Variants in OR9Q1 observed in about 807,000 individuals in gnomAD.
The protein encoded by OR9Q1 is olfactory receptor 9Q1.
For missense variants in OR9Q1, 374 were observed against 378.8 expected (o/e 0.99, Z 0.11); for synonymous variants, 153 against 148.6 (o/e 1.03, Z -0.22).
chr11:58,141,999 C>A (rs1854254510), intron 2 of OR9Q1, among the ~76,000 whole-genome samples: 1 of 152,082 alleles, frequency 6.6e-6, no homozygotes, highest in Non-Finnish European at 1.5e-5. Context: ...CCATTGCTGG[C>A]AATTTATGTC....
At chr11:58,053,344 A>G (rs2119971761) in intron 1 of OR9Q1, among the ~76,000 whole-genome samples, 1 of 150,442 alleles carries the variant, frequency 6.6e-6, no homozygotes, top group East Asian at 2.0e-4. Flanking sequence ...AAACTATCGC[A>G]AGGACAAAAA....
At chr11:58,097,984 GA>G (rs1258033315) in intron 2 of OR9Q1, among the ~76,000 whole-genome samples, 11 of 152,188 alleles carry the variant, frequency 7.2e-5, no homozygotes, top group African/African-American at 2.4e-4. Context: ...GTTGCATGAA[GA>G]AACTTTTTGG....
At chr11:58,147,695 A>G (rs780124886) in intron 2 of OR9Q1, among the ~76,000 whole-genome samples, 2 of 152,170 alleles carry the variant, frequency 1.3e-5, no homozygotes, top group Non-Finnish European at 2.9e-5. Flanking sequence ...GTTTTAGGCA[A>G]TTATCTTCTG....
Position 58,082,770 on chromosome 11 carries a change from T to TAAA in OR9Q1, c.-15+26826_-15+26828dup, listed in dbSNP as rs906445727. ...ATAATAATAATAATAATAATAATAATAAAAAGTTAGGTCTTCTTTTTTTAA... is the reference window on the plus strand; with the variant it reads ...ATAATAATAATAATAATAATAATAATAAAAAAAAGTTAGGTCTTCTTTTTTTAA... On this transcript the variant is annotated intron_variant, in intron 2 of 2. Transcript: ENST00000335397. Among the ~76,000 whole-genome samples, 414 of 95,992 alleles carry TAAA rather than the reference T, an allele frequency of 4.3e-3. 7 individuals are homozygous for TAAA. Among genetic ancestry groups the TAAA allele is most frequent in the South Asian group, 8.2e-3 (19 of 2,316 alleles). The allele number at this position is 95,992 out of a possible 152,430, so 63.0% of individuals were successfully genotyped here.
At chr11:58,089,968 A>AT (rs553571182) in intron 2 of OR9Q1, among the ~76,000 whole-genome samples, 4 of 149,566 alleles carry the variant, frequency 2.7e-5, no homozygotes, top group African/African-American at 1.0e-4. Flanking sequence ...TGTGCATAGG[A>AT]TTGTTTGTGA....
intron 2 of OR9Q1, among the ~76,000 whole-genome samples, chr11:58,122,806 T>A (rs772686372): frequency 1.3e-5 from 2 of 152,136 alleles, no homozygotes; most frequent in Non-Finnish European, 2.9e-5. Context: ...TCCTTCTATG[T>A]TTATTCTTTT....
chr11:58,047,434 G>T (rs1853228658), intron 1 of OR9Q1: 1 of 152,204 alleles, frequency 6.6e-6, no homozygotes, highest in Admixed American at 6.5e-5. Flanking sequence ...ACAGGTCTGG[G>T]AGAACATAGA....
In OR9Q1 at chr11:58,104,580, C is replaced by T. The variant is rs531597939; in HGVS notation, c.-15+48633C>T. 1.1e-4 allele frequency among the ~76,000 whole-genome samples: 16 copies of T among 152,132 alleles called. No homozygotes were observed. The East Asian group carries it at 2.9e-3, about 28-fold the overall frequency. ...ACAATAAAAAAGTAATCTGATTATTCATGATTTTTTGGAATGTTAATAATT... is the reference window on the plus strand; with the variant it reads ...ACAATAAAAAAGTAATCTGATTATTTATGATTTTTTGGAATGTTAATAATT... On this transcript the variant is annotated intron_variant, in intron 2 of 2. Transcript: ENST00000335397.
chr11:58,063,136 T>C (rs1853397071), intron 2 of OR9Q1, among the ~76,000 whole-genome samples: 2 of 152,226 alleles, frequency 1.3e-5, no homozygotes, highest in Admixed American at 1.3e-4. Context: ...CAGTTTCATA[T>C]AGGGCAGTTT....
intron 2 of OR9Q1, among the ~76,000 whole-genome samples, chr11:58,098,869 A>G (rs1853756961): frequency 6.6e-6 from 1 of 152,158 alleles, no homozygotes; most frequent in Non-Finnish European, 1.5e-5. Flanking sequence ...ACTACTTTAG[A>G]ATCATCCCAT....
At chr11:58,135,630 G>A (rs1024104106) in intron 2 of OR9Q1, among the ~76,000 whole-genome samples, 2 of 152,160 alleles carry the variant, frequency 1.3e-5, no homozygotes, top group African/African-American at 4.8e-5. Flanking sequence ...AATAGTGCCT[G>A]GCACAGAGCA....
intron 2 of OR9Q1, among the ~76,000 whole-genome samples, chr11:58,121,674 ATGTT>A (rs1294991586): frequency 4.6e-5 from 7 of 152,292 alleles, no homozygotes; most frequent in Middle Eastern, 3.4e-3. Context: ...ATCTAGAACT[ATGTT>A]TGATGAAGCC....
At chr11:58,151,613 G>A (rs934778544) in intron 2 of OR9Q1, among the ~76,000 whole-genome samples, 10 of 152,282 alleles carry the variant, frequency 6.6e-5, no homozygotes, top group Admixed American at 4.6e-4. Context: ...GAGTGCAAGC[G>A]TTGGATGAAT....
chr11:58,125,861 T>C (rs1009194647), intron 2 of OR9Q1, among the ~76,000 whole-genome samples: 2 of 152,170 alleles, frequency 1.3e-5, no homozygotes, highest in African/African-American at 2.4e-5. Flanking sequence ...TTGGTTTTTC[T>C]TTGCCACTGG....
chr11:58,137,340 C>T (rs1292844879), intron 2 of OR9Q1, among the ~76,000 whole-genome samples: 3 of 152,138 alleles, frequency 2.0e-5, no homozygotes, highest in African/African-American at 7.2e-5. Flanking sequence ...GATGATGGCC[C>T]TCCGGGGGTG....
At chr11:58,103,247 T>C (rs1853801701) in intron 2 of OR9Q1, among the ~76,000 whole-genome samples, 1 of 152,086 alleles carries the variant, frequency 6.6e-6, no homozygotes, top group South Asian at 2.1e-4. Flanking sequence ...AAGCCCCTTA[T>C]AAAACTATCT....
chr11:58,105,978 G>C (rs978090468), intron 2 of OR9Q1, among the ~76,000 whole-genome samples: 5 of 152,036 alleles, frequency 3.3e-5, no homozygotes, highest in African/African-American at 1.2e-4. Context: ...TTGGATATAT[G>C]TCCAGGAGTG....
At chr11:58,041,644 C>G (rs1853164347) in intron 1 of OR9Q1, 1 of 152,290 alleles carries the variant, frequency 6.6e-6, no homozygotes, top group Non-Finnish European at 1.5e-5. Context: ...CACATTGGGC[C>G]ACTGGTTGTC....
chr11:58,109,412 T>A (rs1489155304), intron 2 of OR9Q1: 1 of 458,882 alleles, frequency 2.2e-6, no homozygotes, highest in African/African-American at 2.0e-5. Flanking sequence ...GTGGCCAGTG[T>A]GGCCAGAATC....
Sources: allele counts gnomAD v4.1 joint callset (sites outside exome capture counted in the v4.1 genomes callset), GRCh38; gene constraint gnomAD v4.1.1; transcripts MANE v1.5; gene names NCBI Gene and HGNC (gene_info 2026-07-23, HGNC 2026-07-21).